RNPS1: variants seen among roughly 807,000 people sequenced by gnomAD.
The protein encoded by RNPS1 is RNA-binding protein with serine-rich domain 1.
For synonymous variants in RNPS1, 147 were observed against 150.0 expected (o/e 0.98, Z 0.15); for missense variants, 300 against 427.6 (o/e 0.70, Z 2.63).
intron 6 of RNPS1, among the ~76,000 whole-genome samples, chr16:2,261,778 A>C (rs1177284173): frequency 6.6e-6 from 1 of 152,196 alleles, no homozygotes; most frequent in Non-Finnish European, 1.5e-5. Flanking sequence ...AAAACTCCCC[A>C]AACTGCTGTG....
chr16:2,256,007 A>C (rs150930), intron 6 of RNPS1: 218,935 of 377,560 alleles, frequency 0.58, 64,098 homozygotes, highest in Admixed American at 0.62. Context: ...CGCCTATAGT[A>C]CCAGCTACTC....
At chr16:2,255,023 CA>C (rs2093571424) in intron 7 of RNPS1, among the ~76,000 whole-genome samples, 1 of 152,226 alleles carries the variant, frequency 6.6e-6, no homozygotes, top group South Asian at 2.1e-4. Context: ...AGGCCTGAGC[CA>C]CCATGCCTGG....
intron 5 of RNPS1, 51 bp from the exon 6 acceptor site, chr16:2,262,482 C>G (rs748404537): frequency 1.9e-6 from 3 of 1,600,742 alleles, no homozygotes; most frequent in African/African-American, 1.3e-5. Context: ...TCAGTCACGT[C>G]AGACGCAGAG....
chr16:2,255,437 CT>C, intron 7 of RNPS1, 147 bp downstream of exon 7: 1 of 890,020 alleles, frequency 1.1e-6, no homozygotes, highest in Non-Finnish European at 1.7e-6. Context: ...GGCCCTCCTG[CT>C]CTCTCCATGA....
intron 1 of RNPS1, chr16:2,266,709 T>C: frequency 1.0e-6 from 1 of 985,426 alleles, no homozygotes; most frequent in Non-Finnish European, 1.2e-6. Context: ...GCAGCAGCAC[T>C]GTCCAATAGA....
chr16:2,262,548 T>C (rs2093607400), intron 5 of RNPS1, 117 bp from the exon 6 acceptor site: 1 of 1,131,012 alleles, frequency 8.8e-7, no homozygotes, highest in South Asian at 1.4e-5. Context: ...ATCTGATGAG[T>C]ACCAGTGTTG....
At chr16:2,257,060 G>C (rs2093581853) in intron 6 of RNPS1, 1 of 152,208 alleles carries the variant, frequency 6.6e-6, no homozygotes, top group African/African-American at 2.4e-5. Context: ...GTCTCAGAGA[G>C]GTGGCTCTGC....
chr16:2,263,824 G>GC (rs1455500294), intron 3 of RNPS1: 1 of 277,044 alleles, frequency 3.6e-6, no homozygotes. Context: ...CCATCCTCTT[G>GC]CCTCAGCCCT....
intron 1 of RNPS1, chr16:2,267,546 T>C (rs2093629982): frequency 9.6e-7 from 1 of 1,042,484 alleles, no homozygotes; most frequent in East Asian, 1.1e-4. Flanking sequence ...ACGTTTGAAT[T>C]AATGACTCCG....
Position 2,267,017 on chromosome 16 carries a change from AC to A in RNPS1, c.-118+1037del, listed in dbSNP as rs549819126. 1.3e-4 allele frequency: 28 copies of A among 216,342 alleles called. 1 individual carries two copies. Among genetic ancestry groups the A allele is most frequent in the South Asian group, 1.7e-4 (1 of 5,736 alleles). The allele number at this position is 216,342 out of a possible 1,614,324, so 13.4% of individuals were successfully genotyped here. Reference sequence around the variant, plus strand: ...GGTCACACCCGCAGATTCCAGCCCCACCCCCCCAAGAACTAAGATCTGCCCG... The same window carrying A: ...GGTCACACCCGCAGATTCCAGCCCCACCCCCCAAGAACTAAGATCTGCCCG... On this transcript the variant is annotated intron_variant, in intron 1 of 7. Transcript: ENST00000320225.
rs1270382405 is a variant in RNPS1, at chr16:2,262,697, T to C, written c.522+43A>G. On this transcript the variant is annotated intron_variant, in intron 5 of 7. Coordinates refer to ENST00000320225, the MANE Select transcript of RNPS1 (RefSeq NM_080594.4). ...GTTCATCTGCAGGCACAGGCCTGCT[T>C]GTCCACACCCCACTGCCCACAGGAG... The C allele has an allele frequency of 2.0e-6, 3 of 1,536,862 alleles. No individual in the cohort carries two copies. The East Asian group carries it at 6.7e-5, about 35-fold the overall frequency.
intron 6 of RNPS1, among the ~76,000 whole-genome samples, chr16:2,260,824 T>C (rs1162488733): frequency 6.6e-6 from 1 of 152,168 alleles, no homozygotes; most frequent in Non-Finnish European, 1.5e-5. Context: ...TTAATAAAAA[T>C]GGGAAGCCCC....
chr16:2,266,698 T>A (rs541084587), intron 1 of RNPS1: 1 of 985,298 alleles, frequency 1.0e-6, no homozygotes, highest in Non-Finnish European at 1.2e-6. Context: ...TCGAATCACC[T>A]GCAGCAGCAC....
At chr16:2,263,376 G>A in intron 3 of RNPS1, 89 bp from the exon 4 acceptor site, 1 of 1,347,638 alleles carries the variant, frequency 7.4e-7, no homozygotes, top group South Asian at 1.3e-5. Flanking sequence ...CCCCCCAGGA[G>A]AAACCTGCTG....
At chr16:2,262,599 C>T (rs748997895) in intron 5 of RNPS1, 141 bp downstream of exon 5, 269 of 945,512 alleles carry the variant, frequency 2.8e-4, no homozygotes, top group Middle Eastern at 2.9e-4. Flanking sequence ...TAATGGTCCA[C>T]CAAGAGGAAC....
At chr16:2,263,977 G>T (rs1596812971) in intron 3 of RNPS1, 199 bp downstream of exon 3, 1 of 560,138 alleles carries the variant, frequency 1.8e-6, no homozygotes. Context: ...CAATCCTCCT[G>T]CCTCGGCCTC....
At chr16:2,255,036 A>G (rs775932217) in intron 7 of RNPS1, among the ~76,000 whole-genome samples, 15 of 152,126 alleles carry the variant, frequency 9.9e-5, no homozygotes, top group Non-Finnish European at 1.8e-4. Context: ...CATGCCTGGC[A>G]GAAGTTTTAC....
chr16:2,265,602 A>G (rs1467827612), intron 1 of RNPS1: 1 of 151,254 alleles, frequency 6.6e-6, no homozygotes, highest in Non-Finnish European at 1.5e-5. Context: ...CTTCTGCGTC[A>G]GCCTCCCGAG....
chr16:2,262,558 G>A lies in RNPS1; in HGVS notation c.523-127C>T, dbSNP rs1393700807. ...ATTCCATCTGATGAGTACCAGTGTT[G>A]TTCTGGGATAAATCTCCCAGACACA... On this transcript the variant is annotated intron_variant, in intron 5 of 7. Transcript: ENST00000320225. The A allele has an allele frequency of 6.4e-6, 7 of 1,089,812 alleles. No individual in the cohort carries two copies. The Admixed American group carries it at 1.4e-4, about 22-fold the overall frequency. The allele number at this position is 1,089,812 out of a possible 1,614,324, so 67.5% of individuals were successfully genotyped here.
Sources: gnomAD v4.1 joint callset for allele counts (sites outside exome capture counted in the v4.1 genomes callset) on GRCh38, gnomAD v4.1.1 for gene constraint, MANE v1.5 for transcripts, NCBI Gene and HGNC (gene_info 2026-07-23, HGNC 2026-07-21) for gene names.